UBAC2: variants seen among roughly 807,000 people sequenced by gnomAD.
UBAC2 encodes the protein UBA domain containing 2, also known as ubiquitin-associated domain-containing protein 2.
In UBAC2, 26 loss-of-function variants were observed where a neutral mutation model predicts 44.0. The observed-to-expected ratio is 0.59, with a 90% CI of 0.43 to 0.82. The LOEUF (loss-of-function observed/expected upper bound fraction) is 0.82. Ranked by LOEUF, UBAC2 falls within the 40% of genes least tolerant of loss-of-function variation. UBAC2 has a pLI of 0.00. For synonymous variants in UBAC2, 155 were observed against 154.3 expected, an observed-to-expected ratio of 1.00 and a Z score of -0.04; for missense variants, 329 against 419.4, an observed-to-expected ratio of 0.78 and a Z score of 1.88.
chr13:99,301,257 C>G (rs965674426), intron 4 of UBAC2, among the ~76,000 whole-genome samples: 7 of 152,234 alleles, frequency 4.6e-5, no homozygotes, highest in African/African-American at 1.7e-4. Flanking sequence ...GATCCTTATT[C>G]AGGTTCCACC....
chr13:99,259,380 A>G (rs2043623031), intron 4 of UBAC2, among the ~76,000 whole-genome samples: 1 of 151,426 alleles, frequency 6.6e-6, no homozygotes, highest in African/African-American at 2.4e-5. Context: ...ACCATAGTAA[A>G]TCTGTGGCTT....
intron 7 of UBAC2, chr13:99,351,349 A>G (rs1399323507): frequency 2.9e-6 from 1 of 349,074 alleles, no homozygotes; most frequent in Non-Finnish European, 5.6e-6. Flanking sequence ...GGGCCAAACT[A>G]CCTGTTTTTG....
At chr13:99,380,239 G>A (rs1393603909) in intron 8 of UBAC2, among the ~76,000 whole-genome samples, 1 of 152,142 alleles carries the variant, frequency 6.6e-6, no homozygotes. Flanking sequence ...CTTAACGTGT[G>A]TTTTGCTTAC....
Position 99,367,849 on chromosome 13 carries a change from T to C in UBAC2, c.870T>C (p.Tyr290=). 1.9e-6 allele frequency: 3 copies of C among 1,613,998 alleles called. No individual in the cohort carries two copies. The highest frequency in any genetic ancestry group is 1.7e-6 in the Non-Finnish European group (2 of 1,179,860). ...TACGTCAGCGACAAAACGTAAACTATCAGGGCGGTCGGCAGTCTGAGCCAG... is the reference window on the plus strand; with the variant it reads ...TACGTCAGCGACAAAACGTAAACTACCAGGGCGGTCGGCAGTCTGAGCCAG... The part of the protein sequence containing the change: ...PPLRQRQNVN[Y]QGGRQSEPAA... Residue 290 remains tyrosine, a synonymous_variant, in exon 8 of 9, where the codon TAT becomes TAC. Transcript: ENST00000403766.
At position 99,367,855 on chromosome 13, in the gene UBAC2, C is replaced by T. The variant is rs376969228; in HGVS notation, c.876C>T (p.Gly292=). The T allele has an allele frequency of 1.8e-5, 29 of 1,613,796 alleles. No homozygotes were observed. Among genetic ancestry groups the T allele is most frequent in the African/African-American group, 5.3e-5 (4 of 74,880 alleles). The change falls in exon 8 of 9, where the codon GGC becomes GGT. Residue 292 remains glycine (G), a synonymous_variant. Transcript: ENST00000403766. ...AGCGACAAAACGTAAACTATCAGGG[C>T]GGTCGGCAGTCTGAGCCAGCAGCGC... ...LRQRQNVNYQ[G]GRQSEPAAPP...
chr13:99,367,698 A>G (rs1359175261), intron 7 of UBAC2, 89 bp from the exon 8 acceptor site: 5 of 1,540,144 alleles, frequency 3.2e-6, no homozygotes, highest in Non-Finnish European at 4.5e-6. Context: ...CAGTCTATAG[A>G]TGTAACTGCA....
In UBAC2 at chr13:99,295,026, G is replaced by C. The variant is rs754128013; in HGVS notation, c.390-19071G>C. Reference sequence around the variant, plus strand: ...GAAGTCCTGCAAAGTTTGTCATACAGTTTACGTCACTATAAACCAAAATAC... The same window carrying C: ...GAAGTCCTGCAAAGTTTGTCATACACTTTACGTCACTATAAACCAAAATAC... On this transcript the variant is annotated intron_variant, in intron 4 of 8. Transcript: ENST00000403766. This position sits in a 1 kb window ranked among gnomAD's most constrained non-coding sequence, Gnocchi z 4.1. 6.3e-7 allele frequency: 1 copy of C among 1,588,570 alleles called. No homozygotes were observed. Among genetic ancestry groups the C allele is most frequent in the South Asian group, 1.2e-5 (1 of 86,756 alleles).
At chr13:99,267,874 A>T (rs1458548888) in intron 4 of UBAC2, among the ~76,000 whole-genome samples, 3 of 152,222 alleles carry the variant, frequency 2.0e-5, no homozygotes, top group Admixed American at 6.5e-5. Flanking sequence ...ACAGTGGCTC[A>T]AAGAGCGCAG....
intron 2 of UBAC2, among the ~76,000 whole-genome samples, chr13:99,242,732 TGACCCCCA>T (rs1450703257): frequency 2.4e-5 from 3 of 126,402 alleles, no homozygotes; most frequent in Admixed American, 8.1e-5. Context: ...TGGCCGGGGC[TGACCCCCA>T]CCTCTCTCCC....
intron 4 of UBAC2, among the ~76,000 whole-genome samples, chr13:99,271,116 T>G (rs903090230): frequency 1.3e-5 from 2 of 152,152 alleles, no homozygotes; most frequent in African/African-American, 4.8e-5. Flanking sequence ...CTGTACATTG[T>G]AATTGAGGGT....
intron 4 of UBAC2, among the ~76,000 whole-genome samples, chr13:99,256,766 T>TC (rs2043568554): frequency 1.3e-5 from 2 of 148,730 alleles, no homozygotes; most frequent in Non-Finnish European, 3.0e-5. Flanking sequence ...GGGTTGCAAA[T>TC]ATCATTGACT....
chr13:99,295,617 C>T lies in UBAC2; in HGVS notation c.390-18480C>T. Reference sequence around the variant, plus strand: ...GGATACTCCATGCATGTAATCCTTTCAGCCTCCTGCTTTGACATAGGGTTG... The same window carrying T: ...GGATACTCCATGCATGTAATCCTTTTAGCCTCCTGCTTTGACATAGGGTTG... On this transcript the variant is annotated intron_variant, in intron 4 of 8. Coordinates refer to ENST00000403766, the MANE Select transcript of UBAC2 (RefSeq NM_001144072.2). This position sits in a 1 kb window ranked among gnomAD's most constrained non-coding sequence, Gnocchi z 4.1. 2.5e-6 allele frequency: 4 copies of T among 1,614,144 alleles called. No individual in the cohort carries two copies. The highest frequency in any genetic ancestry group is 3.4e-6 in the Non-Finnish European group (4 of 1,180,030).
chr13:99,244,926 G>C (rs924976635), intron 4 of UBAC2, among the ~76,000 whole-genome samples: 1 of 151,604 alleles, frequency 6.6e-6, no homozygotes, highest in Non-Finnish European at 1.5e-5. Flanking sequence ...TCCGCCTCCC[G>C]GGTTCAAGCG....
chr13:99,255,097 G>C, intron 4 of UBAC2: 2 of 1,614,056 alleles, frequency 1.2e-6, no homozygotes, highest in Admixed American at 1.7e-5. Context: ...GTTCTCCCCC[G>C]TTCCCAGCAT....
intron 1 of UBAC2, chr13:99,201,672 T>G: frequency 8.0e-7 from 1 of 1,255,836 alleles, no homozygotes; most frequent in Non-Finnish European, 1.1e-6. Context: ...TAGGCACGGG[T>G]ACAGCAACGG....
chr13:99,325,287 T>A (rs1403187456), intron 6 of UBAC2, among the ~76,000 whole-genome samples: 1 of 152,006 alleles, frequency 6.6e-6, no homozygotes, highest in Non-Finnish European at 1.5e-5. Context: ...GTGTTTTTTG[T>A]AGAGACGGGG....
At chr13:99,219,363 T>TA (rs1010034525) in intron 1 of UBAC2, among the ~76,000 whole-genome samples, 1 of 152,204 alleles carries the variant, frequency 6.6e-6, no homozygotes, top group Admixed American at 6.5e-5. Flanking sequence ...TTTAACCATT[T>TA]AAAAATGTTC....
At chr13:99,277,465 C>T (rs1240771428) in intron 4 of UBAC2, among the ~76,000 whole-genome samples, 1 of 151,872 alleles carries the variant, frequency 6.6e-6, no homozygotes, top group Non-Finnish European at 1.5e-5. Flanking sequence ...GCGGAGGTTA[C>T]AGTGAGCCGA....
chr13:99,298,983 A>C (rs2138725729), intron 4 of UBAC2, among the ~76,000 whole-genome samples: 1 of 152,318 alleles, frequency 6.6e-6, no homozygotes, highest in East Asian at 1.9e-4. Context: ...GAGTATTTCT[A>C]AGCAGATTCA....
Sources: allele counts gnomAD v4.1 joint callset (sites outside exome capture counted in the v4.1 genomes callset), GRCh38; gene constraint gnomAD v4.1.1; non-coding constraint Gnocchi (gnomAD v3.1); transcripts MANE v1.5; gene names NCBI Gene and HGNC (gene_info 2026-07-23, HGNC 2026-07-21).